Variants in NOC3L observed in about 807,000 individuals in gnomAD.
NOC3L encodes the protein nucleolar complex protein 3 homolog.
NOC3L carries 85 observed loss-of-function variants against 102.5 expected under a neutral mutation model. That is an observed-to-expected ratio of 0.83 (90% CI 0.70 to 0.99). The LOEUF is 0.99. Ranked by LOEUF, NOC3L falls within the 50% of genes least tolerant of loss-of-function variation. The pLI, the probability that NOC3L is intolerant of heterozygous loss-of-function variation, is 0.00. For synonymous variants in NOC3L, 303 were observed against 309.4 expected, an observed-to-expected ratio of 0.98 and a Z score of 0.22; for missense variants, 878 against 914.9, an observed-to-expected ratio of 0.96 and a Z score of 0.52.
At chr10:94,357,824 A>G (rs1227918942) in intron 3 of NOC3L, 1 of 431,984 alleles carries the variant, frequency 2.3e-6, no homozygotes, top group East Asian at 4.6e-5. Flanking sequence ...CTGTTCTGCC[A>G]CTACCTCAAA....
chr10:94,345,974 T>A (rs1483210926), intron 11 of NOC3L, among the ~76,000 whole-genome samples: 1 of 151,988 alleles, frequency 6.6e-6, no homozygotes, highest in African/African-American at 2.4e-5. Context: ...TATCAAAAAA[T>A]AAATAAATAA....
intron 10 of NOC3L, 45 bp downstream of exon 10, chr10:94,349,205 T>G: frequency 6.4e-7 from 1 of 1,558,338 alleles, no homozygotes; most frequent in Non-Finnish European, 8.6e-7. Context: ...AAAATCAACT[T>G]TGTAATTTAA....
chr10:94,336,338 G>A (rs1175221262), intron 19 of NOC3L, among the ~76,000 whole-genome samples: 1 of 151,342 alleles, frequency 6.6e-6, no homozygotes, highest in Non-Finnish European at 1.5e-5. Context: ...CCAGAATTCT[G>A]AGAAAATAAA....
At chr10:94,356,960 C>T (rs1399076289) in intron 4 of NOC3L, among the ~76,000 whole-genome samples, 1 of 152,108 alleles carries the variant, frequency 6.6e-6, no homozygotes, top group African/African-American at 2.4e-5. Context: ...AGAAAATCAC[C>T]TGAACCTTGT....
At position 94,361,782 on chromosome 10, in the gene NOC3L, TA is replaced by T; in HGVS notation, c.99del (p.Phe33LeufsTer17). On this transcript the variant is annotated frameshift_variant, in exon 2 of 21. Transcript: ENST00000371361. LOFTEE classifies it high-confidence loss of function. ...KLENKLKNKQFKQQSTLKKYR... is the reference protein window; with the variant it reads ...KLENKLKNKQXKQQSTLKKYR... ...TACTTCTTGAGAGTGCTTTGTTGTT[TA>T]AACTGCTTATTTTTTAGCTTGTTTT... The T allele has an allele frequency of 6.2e-7, 1 of 1,614,054 alleles. No homozygotes were observed. Among genetic ancestry groups the T allele is most frequent in the Non-Finnish European group, 8.5e-7 (1 of 1,179,944 alleles).
At chr10:94,327,639 T>C in the NOC3L span, among the ~76,000 whole-genome samples, 1 of 152,250 alleles carries the variant, frequency 6.6e-6, no homozygotes, top group East Asian at 1.9e-4. Flanking sequence ...CTACAGATTT[T>C]TAAAGAACAT....
chr10:94,362,842 T>G lies in NOC3L; in HGVS notation c.-4A>C. On this transcript the variant is annotated 5_prime_UTR_variant, in exon 1 of 21. Coordinates refer to ENST00000371361, the MANE Select transcript of NOC3L (RefSeq NM_022451.11). The stretch of plus-strand genomic sequence containing the variant: ...TGAGGACACTTACCGCCTTCATCCT[T>G]AGGCCTTAAATGAATGCCGGCCAGA... 6.2e-7 allele frequency: 1 copy of G among 1,614,070 alleles called. No individual in the cohort carries two copies. Among genetic ancestry groups the G allele is most frequent in the Non-Finnish European group, 8.5e-7 (1 of 1,180,040 alleles).
chr10:94,321,834 C>A, the NOC3L span: 1 of 1,226,824 alleles, frequency 8.2e-7, no homozygotes, highest in Non-Finnish European at 1.2e-6. Flanking sequence ...CAGATTTTTG[C>A]TAGATTTGTC....
chr10:94,362,845 G>C lies in NOC3L; in HGVS notation c.-7C>G. The C allele has an allele frequency of 6.2e-7, 1 of 1,614,050 alleles. No homozygotes were observed. The highest frequency in any genetic ancestry group is 1.1e-5 in the South Asian group (1 of 91,088). On this transcript the variant is annotated 5_prime_UTR_variant, in exon 1 of 21. Coordinates refer to ENST00000371361, the MANE Select transcript of NOC3L (RefSeq NM_022451.11). ...GGACACTTACCGCCTTCATCCTTAGGCCTTAAATGAATGCCGGCCAGACAA... is the reference window on the plus strand; with the variant it reads ...GGACACTTACCGCCTTCATCCTTAGCCCTTAAATGAATGCCGGCCAGACAA...
intron 10 of NOC3L, among the ~76,000 whole-genome samples, chr10:94,348,700 G>A (rs972559376): frequency 3.3e-5 from 5 of 152,224 alleles, no homozygotes; most frequent in African/African-American, 1.2e-4. Context: ...CATATTCCTA[G>A]CAGGAACACA....
chr10:94,329,776 C>CAAAAAAAAAAAAAAAAAAAAAAAAAAAA (rs71031569), downstream of NOC3L: 2 of 37,942 alleles, frequency 5.3e-5, no homozygotes, highest in Admixed American at 5.3e-4. Flanking sequence ...GACTCCGTCT[C>CAAAAAAAAAAAAAAAAAAAAAAAAAAAA]AAAAAAAAAA....
At chr10:94,357,044 C>T (rs1245747595) in intron 4 of NOC3L, 130 bp downstream of exon 4, 4 of 656,576 alleles carry the variant, frequency 6.1e-6, no homozygotes, top group South Asian at 3.2e-5. Flanking sequence ...ATCAAGCTTG[C>T]TATAAGACTA....
the NOC3L span, among the ~76,000 whole-genome samples, chr10:94,318,909 G>A: frequency 2.0e-4 from 31 of 152,252 alleles, 1 homozygote; most frequent in South Asian, 3.7e-3. Context: ...TTAGCAGGGC[G>A]TGGTAGCAGG....
At chr10:94,326,109 A>C in the NOC3L span, among the ~76,000 whole-genome samples, 2 of 152,186 alleles carry the variant, frequency 1.3e-5, no homozygotes, top group Non-Finnish European at 2.9e-5. Context: ...AATGAACCTA[A>C]GGGTTCATTA....
rs1172181408 is a variant in NOC3L, at chr10:94,334,154, A to T, written c.*23T>A. Reference sequence around the variant, plus strand: ...ATCTGCACACACAAATATACAAGAAAGTCCACTGACTTCATTCCTCTACTA... The same window carrying T: ...ATCTGCACACACAAATATACAAGAATGTCCACTGACTTCATTCCTCTACTA... On this transcript the variant is annotated 3_prime_UTR_variant, in exon 21 of 21. Coordinates refer to ENST00000371361, the MANE Select transcript of NOC3L (RefSeq NM_022451.11). 9.6e-7 allele frequency: 1 copy of T among 1,046,120 alleles called. No homozygotes were observed. The allele number at this position is 1,046,120 out of a possible 1,614,324, so 64.8% of individuals were successfully genotyped here.
chr10:94,346,859 G>C (rs1589570905), intron 10 of NOC3L, among the ~76,000 whole-genome samples: 1 of 152,128 alleles, frequency 6.6e-6, no homozygotes, highest in East Asian at 1.9e-4. Flanking sequence ...ATGACAAAGA[G>C]AAAACAGGCC....
chr10:94,336,488 C>T (rs2054219921), intron 19 of NOC3L, among the ~76,000 whole-genome samples: 1 of 151,944 alleles, frequency 6.6e-6, no homozygotes, highest in Non-Finnish European at 1.5e-5. Context: ...GCTGGGACTA[C>T]AGGAACCCAC....
chr10:94,357,458 A>C (rs2054502343), intron 3 of NOC3L, 127 bp from the exon 4 acceptor site: 2 of 635,526 alleles, frequency 3.1e-6, no homozygotes, highest in Non-Finnish European at 4.6e-6. Flanking sequence ...AGTAGCACTT[A>C]GGCTAGTGTC....
intron 20 of NOC3L, 80 bp from the exon 21 acceptor site, chr10:94,334,385 G>T: frequency 1.1e-6 from 1 of 875,122 alleles, no homozygotes; most frequent in Non-Finnish European, 1.8e-6. Flanking sequence ...GTTGAAAATG[G>T]CAACAGCTGA....
Sources: gnomAD v4.1 joint callset for allele counts (sites outside exome capture counted in the v4.1 genomes callset) on GRCh38, gnomAD v4.1.1 for gene constraint, MANE v1.5 for transcripts, NCBI Gene and HGNC (gene_info 2026-07-23, HGNC 2026-07-21) for gene names.